Variants in RALYL observed in about 807,000 individuals in gnomAD.
RALYL encodes the protein RNA-binding Raly-like protein.
A neutral mutation model predicts 35.1 loss-of-function variants in RALYL; 29 were observed. That is an observed-to-expected ratio of 0.83 (90% CI 0.61 to 1.13). The LOEUF is 1.13. Ranked by LOEUF, RALYL falls within the 50% of genes most tolerant of loss-of-function variation. The probability of loss-of-function intolerance (pLI) is 0.00; values close to 1 mark genes in which losing one functional copy is unlikely to be tolerated. For missense variants in RALYL, 359 were observed against 360.4 expected (o/e 1.00, Z 0.03); for synonymous variants, 120 against 127.6 (o/e 0.94, Z 0.40).
chr8:84,663,551 T>C (rs1831319199), intron 2 of RALYL, among the ~76,000 whole-genome samples: 1 of 152,228 alleles, frequency 6.6e-6, no homozygotes, highest in Non-Finnish European at 1.5e-5. Flanking sequence ...TGTGGCTTTA[T>C]TTGCATTTCT....
intron 2 of RALYL, among the ~76,000 whole-genome samples, chr8:84,614,346 C>A (rs906375310): frequency 6.6e-6 from 1 of 151,602 alleles, no homozygotes; most frequent in African/African-American, 2.4e-5. Context: ...GGAATGAAAT[C>A]ACAAAGGCCA....
chr8:84,255,655 A>G (rs1373319667), intron 1 of RALYL, among the ~76,000 whole-genome samples: 1 of 152,038 alleles, frequency 6.6e-6, no homozygotes, highest in African/African-American at 2.4e-5. Context: ...TGCCCTGTTT[A>G]TCTTTCTATT....
chr8:84,904,504 A>T (rs1342613900), intron 8 of RALYL, among the ~76,000 whole-genome samples: 1 of 152,160 alleles, frequency 6.6e-6, no homozygotes, highest in Non-Finnish European at 1.5e-5. Context: ...TATTTCTATA[A>T]GAAAATAATT....
At chr8:84,670,946 A>G (rs577701910) in intron 2 of RALYL, among the ~76,000 whole-genome samples, 1 of 152,302 alleles carries the variant, frequency 6.6e-6, no homozygotes, top group Non-Finnish European at 1.5e-5. Flanking sequence ...AAAGTCCCAC[A>G]GTTCAAAGTC....
intron 2 of RALYL, among the ~76,000 whole-genome samples, chr8:84,530,700 C>A (rs765726493): frequency 2.6e-5 from 4 of 152,116 alleles, no homozygotes; most frequent in South Asian, 2.1e-4. Context: ...AAACATTGAT[C>A]AGATTATGTT....
At chr8:84,251,284 A>T (rs1425438960) in intron 1 of RALYL, among the ~76,000 whole-genome samples, 1 of 152,110 alleles carries the variant, frequency 6.6e-6, no homozygotes, top group Non-Finnish European at 1.5e-5. Flanking sequence ...TGCTGTCCAG[A>T]TCAAGTTTCC....
At chr8:84,468,456 A>G (rs1245358976) in intron 1 of RALYL, among the ~76,000 whole-genome samples, 2 of 149,960 alleles carry the variant, frequency 1.3e-5, no homozygotes, top group Admixed American at 1.3e-4. Context: ...TTCTTTAAGA[A>G]TGTTGAACAT....
At chr8:84,841,684 C>T in intron 4 of RALYL, among the ~76,000 whole-genome samples, 1 of 152,112 alleles carries the variant, frequency 6.6e-6, no homozygotes, top group East Asian at 1.9e-4. Flanking sequence ...ATCACCACAC[C>T]ACCCTTATTC....
intron 2 of RALYL, among the ~76,000 whole-genome samples, chr8:84,698,289 C>A (rs1163387122): frequency 1.3e-5 from 2 of 151,998 alleles, no homozygotes; most frequent in Non-Finnish European, 2.9e-5. Context: ...TTTTATGATT[C>A]CATTTAGCTT....
At chr8:84,855,766 T>C (rs1009114734) in intron 5 of RALYL, among the ~76,000 whole-genome samples, 9 of 152,218 alleles carry the variant, frequency 5.9e-5, no homozygotes, top group African/African-American at 2.2e-4. Context: ...TTTTCAATAA[T>C]ATTAGGAAAA....
intron 8 of RALYL, among the ~76,000 whole-genome samples, chr8:84,908,444 A>G (rs1846908268): frequency 6.6e-6 from 1 of 152,150 alleles, no homozygotes. Context: ...AAGTGAGAAC[A>G]TGCAGTATTT....
intron 1 of RALYL, among the ~76,000 whole-genome samples, chr8:84,482,124 A>G (rs2054109618): frequency 6.6e-6 from 1 of 152,128 alleles, no homozygotes; most frequent in South Asian, 2.1e-4. Context: ...TAATATGCTT[A>G]CACTTTTAGT....
chr8:84,486,033 G>A (rs1362914952), intron 1 of RALYL, among the ~76,000 whole-genome samples: 2 of 125,724 alleles, frequency 1.6e-5, no homozygotes, highest in African/African-American at 5.8e-5. Flanking sequence ...TTTTTTTTGA[G>A]GAAGAGTTAG....
rs183182895 is a variant in RALYL at position 84,315,782 on chromosome 8, T to G, written c.-24+131358T>G. 3.8e-4 allele frequency among the ~76,000 whole-genome samples: 57 copies of G among 151,614 alleles called. 1 individual carries two copies. In the Middle Eastern group the frequency reaches 0.017, roughly 45 times the overall value. On this transcript the variant is annotated intron_variant, in intron 1 of 8. Coordinates refer to ENST00000521268, the MANE Select transcript of RALYL (RefSeq NM_173848.7). Reference sequence around the variant, plus strand: ...TATAGCCAATTTAAAATATTTAATTTGAGCAAGAAGTTGACACTCTGCTAT... The same window carrying G: ...TATAGCCAATTTAAAATATTTAATTGGAGCAAGAAGTTGACACTCTGCTAT...
chr8:84,404,482 T>A (rs1399246415), intron 1 of RALYL, among the ~76,000 whole-genome samples: 2 of 152,296 alleles, frequency 1.3e-5, no homozygotes, highest in Non-Finnish European at 1.5e-5. Flanking sequence ...ATTTATTGAT[T>A]TGCGATGTTG....
At chr8:84,419,551 T>A (rs1353184495) in intron 1 of RALYL, among the ~76,000 whole-genome samples, 1 of 152,130 alleles carries the variant, frequency 6.6e-6, no homozygotes, top group Non-Finnish European at 1.5e-5. Context: ...AACTTTTTTT[T>A]TTTTATTATT....
intron 2 of RALYL, among the ~76,000 whole-genome samples, chr8:84,609,823 T>A (rs1817900043): frequency 6.6e-6 from 1 of 152,130 alleles, no homozygotes; most frequent in Non-Finnish European, 1.5e-5. Flanking sequence ...GGAAAGAGGT[T>A]TAATGGACTC....
At chr8:84,337,277 A>G (rs1322881754) in intron 1 of RALYL, among the ~76,000 whole-genome samples, 2 of 151,708 alleles carry the variant, frequency 1.3e-5, no homozygotes, top group Non-Finnish European at 2.9e-5. Context: ...CACTATAGAA[A>G]TGAGGCTAAT....
At chr8:84,459,668 G>A (rs1222656219) in intron 1 of RALYL, among the ~76,000 whole-genome samples, 1 of 151,756 alleles carries the variant, frequency 6.6e-6, no homozygotes, top group African/African-American at 2.4e-5. Flanking sequence ...GAGAGTTTCT[G>A]TTTTGATGGC....
Sources: allele counts gnomAD v4.1 joint callset (sites outside exome capture counted in the v4.1 genomes callset), GRCh38; gene constraint gnomAD v4.1.1; transcripts MANE v1.5; gene names NCBI Gene and HGNC (gene_info 2026-07-23, HGNC 2026-07-21).